The following KAZN variants were observed in gnomAD, a reference collection of about 807,000 sequenced individuals.
The protein encoded by KAZN is kazrin.
A neutral mutation model predicts 87.4 loss-of-function variants in KAZN; 40 were observed. The observed-to-expected ratio is 0.46, with a 90% CI of 0.36 to 0.60. The LOEUF is 0.60. Ranked by LOEUF, KAZN falls within the 20% of genes least tolerant of loss-of-function variation. The pLI is 0.00. For missense variants in KAZN, 898 were observed against 1,073.9 expected, an observed-to-expected ratio of 0.84 and a Z score of 2.29; for synonymous variants, 466 against 458.3, an observed-to-expected ratio of 1.02 and a Z score of -0.22.
intron 1 of KAZN, among the ~76,000 whole-genome samples, chr1:14,657,917 A>G (rs1638908426): frequency 6.6e-6 from 1 of 152,122 alleles, no homozygotes; most frequent in Non-Finnish European, 1.5e-5. Flanking sequence ...AGTTAGCCCA[A>G]GACAAAGCTG....
intron 1 of KAZN, among the ~76,000 whole-genome samples, chr1:14,733,152 C>T (rs564296124): frequency 3.9e-5 from 6 of 152,042 alleles, no homozygotes; most frequent in Non-Finnish European, 8.8e-5. Context: ...TGATTTCAGC[C>T]CCAGACTTTC....
chr1:14,569,319 G>GTTTTTTTTTT (rs1557806268), intron 2 of KAZN, among the ~76,000 whole-genome samples: 1 of 73,304 alleles, frequency 1.4e-5, no homozygotes. Context: ...TACTTCCTCT[G>GTTTTTTTTTT]CTTTTTTTTT....
intron 2 of KAZN, among the ~76,000 whole-genome samples, chr1:15,030,531 G>C (rs1209842120): frequency 6.6e-6 from 1 of 152,184 alleles, no homozygotes; most frequent in African/African-American, 2.4e-5. Flanking sequence ...AAAGTGCTGG[G>C]ATTACAGGCC....
At chr1:14,080,478 G>A (rs1210300764) in intron 1 of KAZN, among the ~76,000 whole-genome samples, 1 of 136,668 alleles carries the variant, frequency 7.3e-6, no homozygotes, top group Non-Finnish European at 1.7e-5. Flanking sequence ...AGGCAGAAAA[G>A]GGGGTGGGTA....
rs779929890 is a variant in KAZN, at chr1:14,844,604, G to C, written c.227-116080G>C. On this transcript the variant is annotated intron_variant, in intron 1 of 14. Transcript: ENST00000376030. Reference sequence around the variant, plus strand: ...TGTAAATGAGATTGTTCGCAATGAAGAAAGTGTGAGCTTTTGTAGGATATA... The same window carrying C: ...TGTAAATGAGATTGTTCGCAATGAACAAAGTGTGAGCTTTTGTAGGATATA... 2.2e-4 allele frequency among the ~76,000 whole-genome samples: 33 copies of C among 152,230 alleles called. No homozygotes were observed. The South Asian group carries it at 2.7e-3, about 12-fold the overall frequency.
intron 2 of KAZN, among the ~76,000 whole-genome samples, chr1:14,204,554 A>G (rs1199887048): frequency 6.6e-6 from 1 of 152,220 alleles, no homozygotes; most frequent in Non-Finnish European, 1.5e-5. Context: ...TTTGTTTTAT[A>G]TTTTATTTAA....
At chr1:14,582,093 A>G (rs1675592830) in intron 2 of KAZN, among the ~76,000 whole-genome samples, 1 of 152,090 alleles carries the variant, frequency 6.6e-6, no homozygotes, top group Admixed American at 6.5e-5. Flanking sequence ...GACATGTATT[A>G]GGTGTTCAGT....
At chr1:14,455,508 T>C (rs1667520577) in intron 2 of KAZN, among the ~76,000 whole-genome samples, 1 of 152,226 alleles carries the variant, frequency 6.6e-6, no homozygotes, top group Non-Finnish European at 1.5e-5. Flanking sequence ...CAAAGAGGCT[T>C]TGAGACCCCT....
chr1:15,074,521 C>T (rs1480436880), intron 8 of KAZN, among the ~76,000 whole-genome samples: 9 of 152,170 alleles, frequency 5.9e-5, no homozygotes, highest in Non-Finnish European at 8.8e-5. Flanking sequence ...ATGAGACCCT[C>T]CTTAACCCTG....
At chr1:14,376,724 C>T (rs1398824510) in intron 2 of KAZN, among the ~76,000 whole-genome samples, 1 of 152,184 alleles carries the variant, frequency 6.6e-6, no homozygotes, top group Non-Finnish European at 1.5e-5. Flanking sequence ...TTGGGCAAAT[C>T]ATATGACCTC....
intron 2 of KAZN, among the ~76,000 whole-genome samples, chr1:14,419,944 C>G (rs992021783): frequency 2.0e-5 from 3 of 152,140 alleles, no homozygotes; most frequent in Admixed American, 1.3e-4. Context: ...AAAACTTCCA[C>G]AAGGTGGAAG....
chr1:14,273,664 C>G (rs1034298394), intron 2 of KAZN, among the ~76,000 whole-genome samples: 1 of 152,176 alleles, frequency 6.6e-6, no homozygotes, highest in Non-Finnish European at 1.5e-5. Flanking sequence ...AAAGCAGCCA[C>G]AAAAGAGCCT....
chr1:14,471,493 A>T (rs1219057489), intron 2 of KAZN, among the ~76,000 whole-genome samples: 1 of 152,110 alleles, frequency 6.6e-6, no homozygotes, highest in Non-Finnish European at 1.5e-5. Flanking sequence ...TGATTGAGCT[A>T]TTGGCTTTTG....
chr1:14,802,404 CA>C (rs35172215), intron 1 of KAZN, among the ~76,000 whole-genome samples: 10,932 of 135,242 alleles, frequency 0.081, 443 homozygotes, highest in Admixed American at 0.13. Flanking sequence ...ACTCTTGTCT[CA>C]AAAAAAAAAA....
At chr1:15,051,684 C>T (rs1674423674) in intron 4 of KAZN, among the ~76,000 whole-genome samples, 2 of 152,218 alleles carry the variant, frequency 1.3e-5, no homozygotes, top group African/African-American at 4.8e-5. Flanking sequence ...TGGGATCCCA[C>T]AGCTCAGAGT....
intron 1 of KAZN, among the ~76,000 whole-genome samples, chr1:13,992,666 G>A (rs1639338498): frequency 6.6e-6 from 1 of 152,146 alleles, no homozygotes; most frequent in Non-Finnish European, 1.5e-5. Flanking sequence ...AAGCCTCCAG[G>A]AGGCACTCTC....
intron 1 of KAZN, among the ~76,000 whole-genome samples, chr1:14,633,239 ATCT>A (rs944927038): frequency 6.6e-6 from 1 of 152,078 alleles, no homozygotes; most frequent in Non-Finnish European, 1.5e-5. Context: ...ATATTGTCAG[ATCT>A]TCTGGTTATT....
intron 1 of KAZN, among the ~76,000 whole-genome samples, chr1:14,602,419 C>T (rs1219463132): frequency 6.6e-6 from 1 of 152,204 alleles, no homozygotes; most frequent in Non-Finnish European, 1.5e-5. Flanking sequence ...TTCAGAGCTC[C>T]AGAGGCTGCC....
chr1:14,073,197 G>A (rs1445768541), intron 1 of KAZN, among the ~76,000 whole-genome samples: 1 of 152,096 alleles, frequency 6.6e-6, no homozygotes, highest in Non-Finnish European at 1.5e-5. Flanking sequence ...TCTGAAATCT[G>A]AGAACCCAAG....
Sources: gnomAD v4.1 joint callset for allele counts (sites outside exome capture counted in the v4.1 genomes callset) on GRCh38, gnomAD v4.1.1 for gene constraint, MANE v1.5 for transcripts, NCBI Gene and HGNC (gene_info 2026-07-23, HGNC 2026-07-21) for gene names.